SCN3A: variants seen among roughly 807,000 people sequenced by gnomAD.
SCN3A encodes the protein sodium channel protein type 3 subunit alpha.
SCN3A carries 60 observed loss-of-function variants against 187.6 expected under a neutral mutation model. That is an observed-to-expected ratio of 0.32 (90% confidence interval 0.26 to 0.40). SCN3A has a LOEUF of 0.40. Among genes scored for constraint, SCN3A ranks in the 10% least tolerant of loss-of-function variants. The pLI is 1.00. For synonymous variants in SCN3A, 788 were observed against 829.2 expected, an observed-to-expected ratio of 0.95 and a Z score of 0.85; for missense variants, 1,601 against 2,428.2, an observed-to-expected ratio of 0.66 and a Z score of 7.16.
At chr2:165,187,084 C>G (rs1192838699) in intron 1 of SCN3A, among the ~76,000 whole-genome samples, 1 of 152,136 alleles carries the variant, frequency 6.6e-6, no homozygotes, top group Non-Finnish European at 1.5e-5. Flanking sequence ...CTCCTCTTCC[C>G]TCCTTACATC....
intron 2 of SCN3A, among the ~76,000 whole-genome samples, chr2:165,181,292 A>C (rs1199830633): frequency 6.6e-6 from 1 of 152,230 alleles, no homozygotes; most frequent in Non-Finnish European, 1.5e-5. Flanking sequence ...TATCACGTCA[A>C]AACTCTACAA....
intron 15 of SCN3A, among the ~76,000 whole-genome samples, chr2:165,133,864 C>G (rs531045926): frequency 2.0e-5 from 3 of 152,090 alleles, no homozygotes; most frequent in African/African-American, 7.2e-5. Flanking sequence ...TGGGTAGTAT[C>G]GCATCAGGAA....
Position 165,140,830 on chromosome 2 carries a change from G to A in SCN3A, c.1840C>T (p.Pro614Ser), listed in dbSNP as rs868728039. 3 of 1,614,154 alleles carry A rather than the reference G, an allele frequency of 1.9e-6. No homozygotes were observed. Among genetic ancestry groups the A allele is most frequent in the South Asian group, 1.1e-5 (1 of 91,080 alleles). ...TTGCGTCGCTCTCCATGTCTGTGCG[G>A]CACAAACAGTGAGTCTCTCCTGCTT... ...SESRRDSLFV[P>S]HRHGERRNSN... Residue 614 changes from proline to serine, a missense_variant, in exon 13 of 28, where the codon CCG becomes TCG. By Grantham distance (74) the Pro-to-Ser change is moderately conservative. Transcript: ENST00000283254. The surrounding 1 kb of genome is among the most constrained non-coding windows in gnomAD (Gnocchi z 4.2).
intron 22 of SCN3A, among the ~76,000 whole-genome samples, 163 bp downstream of exon 22, chr2:165,100,139 A>G (rs550267559): frequency 3.3e-4 from 50 of 152,336 alleles, no homozygotes; most frequent in South Asian, 1.4e-3. Flanking sequence ...CTGTTTAAAT[A>G]AACTCCAGTT....
intron 18 of SCN3A, among the ~76,000 whole-genome samples, chr2:165,124,814 A>G (rs1345730194): frequency 1.6e-4 from 25 of 152,126 alleles, no homozygotes; most frequent in Non-Finnish European, 1.5e-5. Context: ...CTAGCTGAGA[A>G]TTTTATCACC....
intron 8 of SCN3A, 59 bp downstream of exon 8, chr2:165,162,497 A>G (rs1574267141): frequency 7.5e-6 from 12 of 1,608,810 alleles, no homozygotes; most frequent in Non-Finnish European, 9.4e-6. Context: ...AGTCTCAACT[A>G]TTTATAGTTG....
In SCN3A at chr2:165,090,225, T is replaced by C. The variant is rs1184041097; in HGVS notation, c.5928A>G (p.Pro1976=). 2.5e-6 allele frequency: 4 copies of C among 1,609,376 alleles called. No individual in the cohort carries two copies. In the Admixed American group the frequency reaches 5.0e-5, roughly 20 times the overall value. Residue 1976 remains proline (P), a synonymous_variant, in exon 28 of 28, where the codon CCA becomes CCG. Coordinates refer to ENST00000283254, the MANE Select transcript of SCN3A (RefSeq NM_006922.4). The surrounding 1 kb of genome is among the most constrained non-coding windows in gnomAD (Gnocchi z 4.0). Reference sequence around the variant, plus strand: ...TGTCTTTCTCAAACTTTTCCTTGTCTGGTTTTGTTACACTATCATAGGAAG... The same window carrying C: ...TGTCTTTCTCAAACTTTTCCTTGTCCGGTTTTGTTACACTATCATAGGAAG... ...SPPSYDSVTK[P]DKEKFEKDKP...
chr2:165,154,717 T>A (rs1688911411), intron 10 of SCN3A, 59 bp from the exon 11 acceptor site: 1 of 1,464,714 alleles, frequency 6.8e-7, no homozygotes, highest in African/African-American at 1.4e-5. Context: ...CAAATAAATA[T>A]CTGATTACCA....
chr2:165,116,448 G>A (rs901975224), intron 18 of SCN3A, among the ~76,000 whole-genome samples: 26 of 152,148 alleles, frequency 1.7e-4, no homozygotes, highest in African/African-American at 5.8e-4. Context: ...ATTGTGCAAA[G>A]TTTTATGAAA....
chr2:165,163,833 C>T (rs373492562), intron 6 of SCN3A, 124 bp from the exon 7 acceptor site: 2 of 1,613,726 alleles, frequency 1.2e-6, no homozygotes, highest in African/African-American at 1.3e-5. Context: ...TCAGAGCTCT[C>T]AAGACTCTGA....
At chr2:165,107,375 T>C (rs2105687835) in intron 21 of SCN3A, among the ~76,000 whole-genome samples, 1 of 152,322 alleles carries the variant, frequency 6.6e-6, no homozygotes, top group East Asian at 1.9e-4. Context: ...AAATGAATCA[T>C]TTCTATCAGA....
chr2:165,170,987 A>G (rs1295819152), intron 3 of SCN3A, among the ~76,000 whole-genome samples: 1 of 151,936 alleles, frequency 6.6e-6, no homozygotes, highest in African/African-American at 2.4e-5. Flanking sequence ...TTGTCCCTGT[A>G]GATTTAAAAT....
intron 10 of SCN3A, among the ~76,000 whole-genome samples, chr2:165,155,305 G>C (rs1319162933): frequency 6.6e-6 from 1 of 152,066 alleles, no homozygotes; most frequent in Non-Finnish European, 1.5e-5. Context: ...CTTCCTCTGT[G>C]TTCCAGAGTG....
chr2:165,124,355 A>G (rs1686865510), intron 18 of SCN3A, among the ~76,000 whole-genome samples: 1 of 152,164 alleles, frequency 6.6e-6, no homozygotes, highest in Admixed American at 6.5e-5. Context: ...GTTCGGTAGG[A>G]GGAAATTAAG....
rs185825389 is a variant in SCN3A, at chr2:165,092,782, C to T, written c.4537-258G>A. On this transcript the variant is annotated intron_variant, in intron 26 of 27. Coordinates refer to ENST00000283254, the MANE Select transcript of SCN3A (RefSeq NM_006922.4). This position sits in a 1 kb window ranked among gnomAD's most constrained non-coding sequence, Gnocchi z 4.2. ...GGATGAGACATAAATTAAGGCTGGGCGTGGCAACTCATGCCTGTAATTCCA... is the reference window on the plus strand; with the variant it reads ...GGATGAGACATAAATTAAGGCTGGGTGTGGCAACTCATGCCTGTAATTCCA... The T allele has an allele frequency of 1.7e-3, 706 of 419,170 alleles. 2 individuals carry two copies. The highest frequency in any genetic ancestry group is 1.8e-3 in the Non-Finnish European group (415 of 231,178). The allele number at this position is 419,170 out of a possible 1,614,324, so 26.0% of individuals were successfully genotyped here.
In SCN3A at chr2:165,154,521, T is replaced by C. The variant is rs565120561; in HGVS notation, c.1311A>G (p.Glu437=). Residue 437 remains glutamate, a synonymous_variant, in exon 11 of 28, where the codon GAA becomes GAG. Coordinates refer to ENST00000283254, the MANE Select transcript of SCN3A (RefSeq NM_006922.4). The part of the protein sequence containing the change: ...YEEQNQATLE[E]AEQKEAEFQQ... ...GAAATTCGGCCTCTTTTTGTTCTGCTTCTTCCAAGGTGGCCTGATTCTGCT... is the reference window on the plus strand; with the variant it reads ...GAAATTCGGCCTCTTTTTGTTCTGCCTCTTCCAAGGTGGCCTGATTCTGCT... The C allele has an allele frequency of 1.3e-5, 21 of 1,614,184 alleles. No individual in the cohort carries two copies. The South Asian group carries it at 2.3e-4, about 18-fold the overall frequency.
In SCN3A at chr2:165,129,991, T is replaced by G; in HGVS notation, c.2871A>C (p.Gln957His). ...TMWDCMEVAGQTMCLIVFMLV... is the reference protein window; with the variant it reads ...TMWDCMEVAGHTMCLIVFMLV... ...ACATGAAAACAATAAGGCACATGGT[T>G]TGGCCAGCGACCTCCATACAGTCCC... The change falls in exon 17 of 28, where the codon CAA (glutamine) becomes CAC (histidine). Residue 957 changes from glutamine (Q) to histidine (H), a missense_variant. Around this residue, in one of 11 missense-constraint regions of SCN3A, gnomAD observed 91 missense variants for 207.0 expected, o/e 0.44. Coordinates refer to ENST00000283254, the MANE Select transcript of SCN3A (RefSeq NM_006922.4). The G allele has an allele frequency of 6.2e-7, 1 of 1,614,146 alleles. No individual in the cohort carries two copies. Among genetic ancestry groups the G allele is most frequent in the Non-Finnish European group, 8.5e-7 (1 of 1,180,034 alleles).
intron 19 of SCN3A, among the ~76,000 whole-genome samples, chr2:165,114,343 G>C (rs570642650): frequency 1.7e-4 from 26 of 152,092 alleles, no homozygotes; most frequent in Non-Finnish European, 3.4e-4. Context: ...TGTGATCCTG[G>C]GTTTTTAATT....
At chr2:165,201,804 C>T (rs1054700593) in intron 1 of SCN3A, among the ~76,000 whole-genome samples, 3 of 152,038 alleles carry the variant, frequency 2.0e-5, no homozygotes, top group African/African-American at 4.8e-5. Flanking sequence ...TAATTTACAA[C>T]TCAGTGAGAG....
Sources: allele counts gnomAD v4.1 joint callset (sites outside exome capture counted in the v4.1 genomes callset), GRCh38; gene constraint gnomAD v4.1.1; regional missense constraint gnomAD v4.1.1; non-coding constraint Gnocchi (gnomAD v3.1); transcripts MANE v1.5; gene names NCBI Gene and HGNC (gene_info 2026-07-23, HGNC 2026-07-21).